Variants in HECW1 observed in about 807,000 individuals in gnomAD.
HECW1 encodes E3 ubiquitin-protein ligase HECW1.
Under a neutral mutation model 182.3 loss-of-function variants are expected in HECW1, and 61 were observed. The observed-to-expected ratio is 0.33, with a 90% confidence interval of 0.27 to 0.41. HECW1 has a LOEUF of 0.41. Ranked by LOEUF, HECW1 falls within the 10% of genes least tolerant of loss-of-function variation. HECW1 has a pLI of 1.00. For missense variants in HECW1, 1,739 were observed against 2,108.9 expected, an observed-to-expected ratio of 0.82 and a Z score of 3.44; for synonymous variants, 859 against 832.6, an observed-to-expected ratio of 1.03 and a Z score of -0.55.
At chr7:43,468,894 A>T (rs756358716) in intron 15 of HECW1, 26 bp from the exon 16 acceptor site, 2 of 1,611,094 alleles carry the variant, frequency 1.2e-6, no homozygotes, top group Admixed American at 1.7e-5. Context: ...CCCACTCCTT[A>T]CCCCGTCCGC....
At chr7:43,468,571 G>A (rs1269075842) in intron 15 of HECW1, among the ~76,000 whole-genome samples, 1 of 152,028 alleles carries the variant, frequency 6.6e-6, no homozygotes, top group Non-Finnish European at 1.5e-5. Context: ...GTCCAGGCTG[G>A]AGTGCAACGG....
At chr7:43,228,970 C>CT (rs1256588859) in intron 2 of HECW1, among the ~76,000 whole-genome samples, 1 of 152,144 alleles carries the variant, frequency 6.6e-6, no homozygotes, top group Non-Finnish European at 1.5e-5. Context: ...TCATGAGTGT[C>CT]TTTTTTTCTT....
chr7:43,556,192 A>AG (rs2152962441), intron 29 of HECW1, among the ~76,000 whole-genome samples: 1 of 152,302 alleles, frequency 6.6e-6, no homozygotes, highest in Non-Finnish European at 1.5e-5. Flanking sequence ...CCACTAAAAA[A>AG]CTGGCATTTA....
intron 12 of HECW1, among the ~76,000 whole-genome samples, chr7:43,455,234 TC>T (rs1392854295): frequency 2.0e-5 from 3 of 152,324 alleles, no homozygotes; most frequent in Middle Eastern, 3.4e-3. Context: ...AAAGGGTACT[TC>T]CTAGTTACTG....
At chr7:43,311,310 G>A (rs1170196212) in intron 3 of HECW1, among the ~76,000 whole-genome samples, 2 of 152,202 alleles carry the variant, frequency 1.3e-5, no homozygotes, top group Non-Finnish European at 1.5e-5. Context: ...GCTGTGTGTA[G>A]GGACCTGAAT....
At chr7:43,340,506 C>T (rs540629839) in intron 5 of HECW1, among the ~76,000 whole-genome samples, 4 of 151,604 alleles carry the variant, frequency 2.6e-5, no homozygotes, top group African/African-American at 9.8e-5. Flanking sequence ...CAGGTGTGAG[C>T]CACTGCGCCC....
At chr7:43,379,040 T>C (rs765353196) in intron 6 of HECW1, among the ~76,000 whole-genome samples, 36 of 152,114 alleles carry the variant, frequency 2.4e-4, no homozygotes, top group Admixed American at 1.3e-3. Context: ...CTAATAGGCA[T>C]AGGAAGTTAA....
chr7:43,231,709 T>C (rs1246720098), intron 2 of HECW1, among the ~76,000 whole-genome samples: 2 of 152,002 alleles, frequency 1.3e-5, no homozygotes, highest in African/African-American at 4.8e-5. Context: ...GCACACAAAA[T>C]GTATTCTGAC....
Position 43,308,627 on chromosome 7 carries a change from AT to A in HECW1, c.28-3121del, listed in dbSNP as rs59607666. On this transcript the variant is annotated intron_variant, in intron 3 of 29. Coordinates refer to ENST00000395891, the MANE Select transcript of HECW1 (RefSeq NM_015052.5). ...TACTAAATTATCATGCCTTTCTGTA[AT>A]TTTTTTTTTTTTTTGAGACGGGGTC... is the stretch of plus-strand genomic sequence containing the variant. Among the ~76,000 whole-genome samples the A allele has an allele frequency of 7.7e-3, 1,099 of 142,108 alleles. 4 individuals carry two copies. Among genetic ancestry groups the A allele is most frequent in the African/African-American group, 0.021 (815 of 38,840 alleles). The allele number at this position is 142,108 out of a possible 152,430, so 93.2% of individuals were successfully genotyped here. A position where few individuals can be genotyped will look rare whatever the true frequency, so the allele number is the denominator to read the frequency against.
intron 2 of HECW1, among the ~76,000 whole-genome samples, chr7:43,149,630 T>A (rs540544929): frequency 1.3e-5 from 2 of 152,204 alleles, no homozygotes. Flanking sequence ...AGATTAGATA[T>A]TAACTTAAGA....
chr7:43,209,492 T>A (rs1208052932), intron 2 of HECW1, among the ~76,000 whole-genome samples: 1 of 152,168 alleles, frequency 6.6e-6, no homozygotes. Flanking sequence ...TCCTGTCTCC[T>A]CTGTAAAGCA....
intron 21 of HECW1, 123 bp from the exon 22 acceptor site, chr7:43,507,014 A>G: frequency 8.4e-7 from 1 of 1,190,856 alleles, no homozygotes; most frequent in Non-Finnish European, 1.1e-6. Context: ...AAGTTGCGGT[A>G]AGCCGAGAGC....
At chr7:43,128,609 G>T (rs1786542690) in intron 2 of HECW1, among the ~76,000 whole-genome samples, 1 of 152,168 alleles carries the variant, frequency 6.6e-6, no homozygotes, top group South Asian at 2.1e-4. Context: ...AACACATTCT[G>T]CAGCCCATGG....
chr7:43,267,432 T>C (rs1366638055), intron 3 of HECW1, among the ~76,000 whole-genome samples: 2 of 152,086 alleles, frequency 1.3e-5, no homozygotes. Context: ...CATTAAAACT[T>C]AGCAGATGTG....
chr7:43,528,751 G>T (rs1377210824), intron 24 of HECW1, among the ~76,000 whole-genome samples: 1 of 152,130 alleles, frequency 6.6e-6, no homozygotes, highest in African/African-American at 2.4e-5. Context: ...GCGGCACCAG[G>T]GCTAGACATT....
chr7:43,359,620 A>G (rs1436758608), intron 5 of HECW1, among the ~76,000 whole-genome samples: 1 of 152,218 alleles, frequency 6.6e-6, no homozygotes, highest in African/African-American at 2.4e-5. Flanking sequence ...TCTATAGTTT[A>G]TAGTCTCAAT....
chr7:43,336,152 CT>C (rs1812230081), intron 5 of HECW1, among the ~76,000 whole-genome samples: 4 of 64,136 alleles, frequency 6.2e-5, no homozygotes, highest in Non-Finnish European at 8.8e-5. Flanking sequence ...CTTTCTCTCT[CT>C]CTCTCTCTCT....
At chr7:43,559,887 A>G (rs912923257) in intron 29 of HECW1, among the ~76,000 whole-genome samples, 2 of 152,246 alleles carry the variant, frequency 1.3e-5, no homozygotes, top group Non-Finnish European at 2.9e-5. Context: ...ATGCAATAAA[A>G]GCAACTAGTA....
chr7:43,321,008 G>A (rs1012671093), intron 5 of HECW1, among the ~76,000 whole-genome samples: 4 of 152,168 alleles, frequency 2.6e-5, no homozygotes, highest in African/African-American at 9.7e-5. Flanking sequence ...TCTGGACTTG[G>A]GACCCTTTGG....
Sources: gnomAD v4.1 joint callset for allele counts (sites outside exome capture counted in the v4.1 genomes callset) on GRCh38, gnomAD v4.1.1 for gene constraint, MANE v1.5 for transcripts, NCBI Gene and HGNC (gene_info 2026-07-23, HGNC 2026-07-21) for gene names.